Variants in NPC1 observed in about 807,000 individuals in gnomAD.
NPC1 encodes Niemann-Pick C1 protein.
Under a neutral mutation model 140.4 loss-of-function variants are expected in NPC1, and 85 were observed. The observed-to-expected ratio is 0.61, with a 90% CI of 0.51 to 0.72. The LOEUF (loss-of-function observed/expected upper bound fraction) is 0.72. Ranked by LOEUF, NPC1 falls within the 30% of genes least tolerant of loss-of-function variation. NPC1 has a pLI of 0.00. For synonymous variants in NPC1, 656 were observed against 624.8 expected, an observed-to-expected ratio of 1.05 and a Z score of -0.74; for missense variants, 1,504 against 1,623.8, an observed-to-expected ratio of 0.93 and a Z score of 1.27.
chr18:23,562,759 G>A (rs779925473), intron 4 of NPC1, among the ~76,000 whole-genome samples: 5 of 151,888 alleles, frequency 3.3e-5, no homozygotes, highest in Admixed American at 6.6e-5. Flanking sequence ...GGCCCTGGTG[G>A]GTGGACTGCC....
chr18:23,565,392 T>C (rs771345402), intron 4 of NPC1, among the ~76,000 whole-genome samples: 5 of 152,270 alleles, frequency 3.3e-5, no homozygotes, highest in Non-Finnish European at 5.9e-5. Context: ...AGTCTCGCTC[T>C]GTCAGCCAGG....
At chr18:23,567,018 T>A (rs1255347381) in intron 4 of NPC1, among the ~76,000 whole-genome samples, 4 of 152,236 alleles carry the variant, frequency 2.6e-5, no homozygotes, top group African/African-American at 7.2e-5. Flanking sequence ...TGAATTTTCA[T>A]GGCTTTTTAG....
rs2059037301 is a variant in NPC1 at position 23,561,448 on chromosome 18, A to G, written c.543T>C (p.Ala181=). The G allele has an allele frequency of 6.2e-7, 1 of 1,614,214 alleles. No individual in the cohort carries two copies. Among genetic ancestry groups the G allele is most frequent in the Non-Finnish European group, 8.5e-7 (1 of 1,180,004 alleles). ...KALGLLCGKD[A]DACNATNWIE... ...TCCAGTTGGTGGCATTACAGGCGTCAGCGTCCTTCCCACACAGGAGTCCCA... is the reference window on the plus strand; with the variant it reads ...TCCAGTTGGTGGCATTACAGGCGTCGGCGTCCTTCCCACACAGGAGTCCCA... Residue 181 remains alanine (A), a synonymous_variant, in exon 5 of 25, where the codon GCT becomes GCC. Transcript: ENST00000269228.
intron 17 of NPC1, 44 bp downstream of exon 17, chr18:23,540,404 C>T: frequency 8.2e-7 from 1 of 1,223,838 alleles, no homozygotes; most frequent in Non-Finnish European, 1.2e-6. Flanking sequence ...TATTCATCAT[C>T]AGCTAAAGAA....
intron 6 of NPC1, 73 bp from the exon 7 acceptor site, chr18:23,557,263 A>T: frequency 9.3e-7 from 1 of 1,079,412 alleles, no homozygotes; most frequent in Non-Finnish European, 1.4e-6. Flanking sequence ...ACATTCCTGT[A>T]ATCCCATGAA....
In NPC1 at chr18:23,544,369, A is replaced by G. The variant is rs1313100883; in HGVS notation, c.2105T>C (p.Ile702Thr). The G allele has an allele frequency of 6.2e-7, 1 of 1,614,118 alleles. No individual in the cohort carries two copies. ...CTGGTAGGCCTGCACCAGAATGAAG[A>G]TGTTGTCCACTCCAACAGCCAGCAC... ...FLVLAVGVDN[I>T]FILVQAYQRD... Residue 702 changes from isoleucine to threonine, a missense_variant, in exon 13 of 25, where the codon ATC (isoleucine) becomes ACC (threonine). Physicochemically the swap from Ile to Thr is moderately conservative, Grantham distance 89. Transcript: ENST00000269228.
Position 23,544,859 on chromosome 18 carries a change from G to T in NPC1, c.1947+101C>A, listed in dbSNP as rs149393659. On this transcript the variant is annotated intron_variant, in intron 12 of 24. Transcript: ENST00000269228. ...TTAAAACATGGGGGAATTTATGGCA[G>T]TTTTAAACATAATGGAATAAGAATA... 4.5e-6 allele frequency: 4 copies of T among 889,524 alleles called. No individual in the cohort carries two copies. In the African/African-American group the frequency reaches 6.7e-5, roughly 15 times the overall value. 55.1% of individuals were successfully genotyped at this position (889,524 alleles called of 1,614,324 possible). A position where few individuals can be genotyped will look rare whatever the true frequency, so the allele number is the denominator to read the frequency against.
chr18:23,506,295 A>G (rs2057715308), exon 4 of NPC1: 1 of 152,236 alleles, frequency 6.6e-6, no homozygotes, highest in Admixed American at 6.6e-5. Context: ...AACCATCACC[A>G]CAATCAAGGC....
At chr18:23,568,398 T>C (rs929617128) in intron 4 of NPC1, among the ~76,000 whole-genome samples, 1 of 152,348 alleles carries the variant, frequency 6.6e-6, no homozygotes, top group Non-Finnish European at 1.5e-5. Context: ...TCATTTCTGC[T>C]ATCTGTTAGA....
chr18:23,558,772 G>T (rs954373218), intron 6 of NPC1, among the ~76,000 whole-genome samples: 1 of 152,096 alleles, frequency 6.6e-6, no homozygotes, highest in South Asian at 2.1e-4. Context: ...TGCACAACGT[G>T]CAGGTTTGTT....
chr18:23,509,175 T>C, intron 3 of NPC1: 1 of 1,172,346 alleles, frequency 8.5e-7, no homozygotes, highest in Non-Finnish European at 1.1e-6. Context: ...AAAAATATTT[T>C]TAAAAAATTT....
At chr18:23,564,044 G>T (rs1469695483) in intron 4 of NPC1, among the ~76,000 whole-genome samples, 1 of 126,446 alleles carries the variant, frequency 7.9e-6, no homozygotes, top group Non-Finnish European at 1.6e-5. Flanking sequence ...GAGTCCAATG[G>T]TGTGATCTCA....
downstream of NPC1, among the ~76,000 whole-genome samples, chr18:23,527,511 G>A (rs544395504): frequency 2.7e-5 from 4 of 149,688 alleles, no homozygotes; most frequent in South Asian, 2.1e-4. Context: ...AACTCCCAGC[G>A]TTAAGTGATC....
chr18:23,547,559 G>A (rs1447649601), intron 11 of NPC1, among the ~76,000 whole-genome samples: 1 of 151,978 alleles, frequency 6.6e-6, no homozygotes, highest in Non-Finnish European at 1.5e-5. Context: ...TGGGCACCAT[G>A]GCAAAACCCT....
rs138123644 is a variant in NPC1 at position 23,552,598 on chromosome 18, C to T, written c.1554-871G>A. Among the ~76,000 whole-genome samples the T allele has an allele frequency of 4.1e-3, 619 of 152,284 alleles. 6 individuals are homozygous for T. Among genetic ancestry groups the T allele is most frequent in the African/African-American group, 0.014 (586 of 41,538 alleles). On this transcript the variant is annotated intron_variant, in intron 9 of 24. Coordinates refer to ENST00000269228, the MANE Select transcript of NPC1 (RefSeq NM_000271.5). ...GTGGAACAGTAAGTGGAGATGTTAG[C>T]GCAATGGCGCAGGCAAGAGGCAACT... is the stretch of plus-strand genomic sequence containing the variant.
At chr18:23,527,693 T>G, downstream of NPC1, 1 of 879,486 alleles carries the variant, frequency 1.1e-6, no homozygotes, top group Non-Finnish European at 1.8e-6. Context: ...TACTTTTGCA[T>G]TGGTAACCTT....
intron 4 of NPC1, among the ~76,000 whole-genome samples, chr18:23,567,574 CTG>C (rs1487652687): frequency 6.6e-6 from 1 of 152,130 alleles, no homozygotes; most frequent in Non-Finnish European, 1.5e-5. Context: ...TTCTCCCAGT[CTG>C]TGTCTTGTCT....
chr18:23,584,979 C>A (rs1243937595), intron 1 of NPC1, among the ~76,000 whole-genome samples: 1 of 152,118 alleles, frequency 6.6e-6, no homozygotes, highest in African/African-American at 2.4e-5. Flanking sequence ...GCCAGGAGTT[C>A]CAGGCTGCAG....
chr18:23,514,312 C>G (rs1398921362), intron 3 of NPC1, among the ~76,000 whole-genome samples: 3 of 152,174 alleles, frequency 2.0e-5, no homozygotes, highest in African/African-American at 7.2e-5. Context: ...GTCAGGAGTT[C>G]GAGACCAGCC....
Sources: allele counts gnomAD v4.1 joint callset (sites outside exome capture counted in the v4.1 genomes callset), GRCh38; gene constraint gnomAD v4.1.1; transcripts MANE v1.5; gene names NCBI Gene and HGNC (gene_info 2026-07-23, HGNC 2026-07-21).